TCP1: variants seen among roughly 807,000 people sequenced by gnomAD.
TCP1 encodes t-complex 1.
A neutral mutation model predicts 54.7 loss-of-function variants in TCP1; 6 were observed. The observed-to-expected ratio is 0.11, with a 90% CI of 0.06 to 0.22. The LOEUF (loss-of-function observed/expected upper bound fraction) is 0.22. Ranked by LOEUF, TCP1 falls within the 10% of genes least tolerant of loss-of-function variation. The probability of loss-of-function intolerance (pLI) is 1.00; values close to 1 mark genes in which losing one functional copy is unlikely to be tolerated. For missense variants in TCP1, 511 were observed against 678.2 expected (o/e 0.75, Z 2.74); for synonymous variants, 225 against 229.7 (o/e 0.98, Z 0.19).
At chr6:159,784,327 C>T (rs1780644700) in intron 6 of TCP1, among the ~76,000 whole-genome samples, 3 of 146,764 alleles carry the variant, frequency 2.0e-5, no homozygotes, top group Admixed American at 1.4e-4. Context: ...TTTTTTGAGA[C>T]GGAGTCTCAC....
chr6:159,779,888 T>G lies in TCP1; in HGVS notation c.1290+7A>C. ...AGGCCTCTAAGACAAGAAATGACTG[T>G]TCTTACCATGCTGGTTGCATAGTTT... On this transcript the variant is annotated splice_region_variant and intron_variant, in intron 10 of 11. Coordinates refer to ENST00000321394, the MANE Select transcript of TCP1 (RefSeq NM_030752.3). 6.2e-7 allele frequency: 1 copy of G among 1,613,652 alleles called. No homozygotes were observed.
At chr6:159,789,179 C>T in intron 1 of TCP1, 1 of 528,992 alleles carries the variant, frequency 1.9e-6, no homozygotes, top group South Asian at 2.6e-5. Context: ...CACGCGTTGC[C>T]GGTCTCAAAA....
In TCP1 at chr6:159,788,063, T is replaced by C. The variant is rs775508048; in HGVS notation, c.145A>G (p.Ile49Val). 3 of 1,614,122 alleles carry C rather than the reference T, an allele frequency of 1.9e-6. No individual in the cohort carries two copies. Among genetic ancestry groups the C allele is most frequent in the South Asian group, 1.1e-5 (1 of 91,076 alleles). The stretch of plus-strand genomic sequence containing the variant: ...CAACAGTTATGTGTACTTACACCAA[T>C]ATCATCCACCAACATTTTATCCAAG... ...VGLDKMLVDDIGDVTITNDGA... is the reference protein window; with the variant it reads ...VGLDKMLVDDVGDVTITNDGA... Residue 49 changes from isoleucine to valine, a missense_variant, in exon 2 of 12, where the codon ATT becomes GTT. Around this residue, in one of 5 missense-constraint regions of TCP1, gnomAD observed 54 missense variants for 111.8 expected, o/e 0.48. Coordinates refer to ENST00000321394, the MANE Select transcript of TCP1 (RefSeq NM_030752.3).
intron 9 of TCP1, 121 bp from the exon 10 acceptor site, chr6:159,780,208 A>G (rs1192589252): frequency 1.5e-6 from 2 of 1,307,966 alleles, no homozygotes; most frequent in African/African-American, 2.9e-5. Flanking sequence ...AAGTTCCCTT[A>G]AGTCCTGCCT....
intron 7 of TCP1, among the ~76,000 whole-genome samples, chr6:159,783,212 A>T (rs1454586701): frequency 2.0e-5 from 3 of 151,976 alleles, no homozygotes; most frequent in African/African-American, 7.3e-5. Flanking sequence ...AAGGAAACAG[A>T]CTCTAGAACA....
Position 159,779,169 on chromosome 6 carries a change from A to G in TCP1, c.1547T>C (p.Phe516Ser). The G allele has an allele frequency of 6.2e-7, 1 of 1,613,910 alleles. No individual in the cohort carries two copies. The highest frequency in any genetic ancestry group is 8.5e-7 in the Non-Finnish European group (1 of 1,179,844). ...AATGGTGATTGCAGCTTCTGTTGCA[A>G]ATTTCAAACTCTTAACTTTAACTAT... ...PTIVKVKSLK[F>S]ATEAAITILR... Residue 516 changes from phenylalanine to serine, a missense_variant, in exon 12 of 12, where the codon TTT (phenylalanine) becomes TCT (serine). This residue lies in a region of TCP1 where 88 missense variants were observed against 153.1 expected (regional missense o/e 0.57). Transcript: ENST00000321394.
intron 1 of TCP1, chr6:159,788,716 T>A (rs1448736276): frequency 6.5e-6 from 1 of 153,074 alleles, no homozygotes; most frequent in African/African-American, 2.4e-5. Flanking sequence ...GAGAAATCGG[T>A]AGTCAACGGG....
rs1313677174 is a variant in TCP1 at position 159,785,499 on chromosome 6, G to A, written c.378-3C>T. On this transcript the variant is annotated splice_region_variant and splice_polypyrimidine_tract_variant and intron_variant, in intron 4 of 11. Transcript: ENST00000321394. The stretch of plus-strand genomic sequence containing the variant: ...CATTGATATAACGCACTGCTTCCCT[G>A]TTTAAAAGTGTGGGGGAGAAAAACG... The A allele has an allele frequency of 2.5e-6, 4 of 1,607,014 alleles. No individual in the cohort carries two copies. Among genetic ancestry groups the A allele is most frequent in the East Asian group, 2.2e-5 (1 of 44,840 alleles).
At chr6:159,780,656 A>G (rs751168122) in intron 8 of TCP1, 90 bp from the exon 9 acceptor site, 11 of 1,498,634 alleles carry the variant, frequency 7.3e-6, no homozygotes, top group Non-Finnish European at 9.9e-6. Context: ...TAAAAGTGCT[A>G]TATTACAAGT....
chr6:159,786,718 T>C (rs916998384), intron 3 of TCP1, among the ~76,000 whole-genome samples: 1 of 152,240 alleles, frequency 6.6e-6, no homozygotes, highest in Non-Finnish European at 1.5e-5. Context: ...CTTTCATGGC[T>C]AAAGTTTAAT....
rs774362750 is a variant in TCP1 at position 159,789,451 on chromosome 6, G to A, written c.18C>T (p.Ser6=). ...CCCCAGTGCTGCGGTCACCGAACAC[G>A]GACAAAGGCCCCTCCATCTTGACGG... The part of the protein sequence containing the change: MEGPL[S]VFGDRSTGET... The change falls in exon 1 of 12, where the codon TCC becomes TCT. Residue 6 remains serine, a synonymous_variant. Coordinates refer to ENST00000321394, the MANE Select transcript of TCP1 (RefSeq NM_030752.3). The A allele has an allele frequency of 3.7e-6, 6 of 1,613,712 alleles. No individual in the cohort carries two copies. Among genetic ancestry groups the A allele is most frequent in the East Asian group, 2.2e-5 (1 of 44,856 alleles).
chr6:159,788,744 G>C (rs898449742), intron 1 of TCP1: 1 of 152,942 alleles, frequency 6.5e-6, no homozygotes, highest in South Asian at 2.0e-4. Flanking sequence ...GTGACTTTCA[G>C]ATTTGTTTAC....
chr6:159,781,405 A>G (rs1172577032), intron 7 of TCP1, among the ~76,000 whole-genome samples: 1 of 152,218 alleles, frequency 6.6e-6, no homozygotes, highest in Non-Finnish European at 1.5e-5. Flanking sequence ...ACTCCAGGGC[A>G]AGTGTCACTA....
chr6:159,789,193 T>C, intron 1 of TCP1: 2 of 563,550 alleles, frequency 3.5e-6, no homozygotes, highest in Non-Finnish European at 6.2e-6. Context: ...CTCAAAACCC[T>C]GCCGCGCGCG....
chr6:159,784,142 A>T, intron 6 of TCP1, 75 bp from the exon 7 acceptor site: 2 of 1,495,652 alleles, frequency 1.3e-6, no homozygotes, highest in Non-Finnish European at 1.8e-6. Context: ...AATCGATTGT[A>T]TGTAAACACA....
chr6:159,779,916 A>G lies in TCP1; in HGVS notation c.1269T>C (p.Leu423=), dbSNP rs140298157. 2.5e-6 allele frequency: 4 copies of G among 1,614,144 alleles called. No homozygotes were observed. In the Admixed American group the frequency reaches 5.0e-5, roughly 20 times the overall value. Residue 423 remains leucine (L), a synonymous_variant, in exon 10 of 12, where the codon CTT becomes CTC. Transcript: ENST00000321394. The part of the protein sequence containing the change: ...GAVEAALSIY[L]ENYATSMGSR... The stretch of plus-strand genomic sequence containing the variant: ...TTACCATGCTGGTTGCATAGTTTTC[A>G]AGGTATATGGAAAGGGCTGCTTCTA...
intron 1 of TCP1, chr6:159,788,764 T>C (rs1476280708): frequency 1.3e-5 from 2 of 153,042 alleles, no homozygotes; most frequent in Non-Finnish European, 2.9e-5. Context: ...CGAAAAAAAT[T>C]AGGAATCTAT....
At chr6:159,788,309 G>T in intron 1 of TCP1, 166 bp from the exon 2 acceptor site, 1 of 609,258 alleles carries the variant, frequency 1.6e-6, no homozygotes, top group Non-Finnish European at 2.8e-6. Context: ...TGTAAATGGG[G>T]CCAGACACTG....
intron 9 of TCP1, 33 bp from the exon 10 acceptor site, chr6:159,780,120 G>A (rs967533500): frequency 6.3e-7 from 1 of 1,578,202 alleles, no homozygotes; most frequent in African/African-American, 1.4e-5. Flanking sequence ...TCTTGTAATA[G>A]CATTTTTAAA....
Sources: allele counts gnomAD v4.1 joint callset (sites outside exome capture counted in the v4.1 genomes callset), GRCh38; gene constraint gnomAD v4.1.1; regional missense constraint gnomAD v4.1.1; transcripts MANE v1.5; gene names NCBI Gene and HGNC (gene_info 2026-07-23, HGNC 2026-07-21).